The following RAF1 variants were observed in gnomAD, a reference collection of about 807,000 sequenced individuals.
RAF1 encodes RAF proto-oncogene serine/threonine-protein kinase.
In RAF1, 27 loss-of-function variants were observed where a neutral mutation model predicts 81.1. The ratio of observed to expected loss-of-function variants is 0.33; its 90% CI spans 0.25 to 0.46. The LOEUF (loss-of-function observed/expected upper bound fraction) is 0.46. Ranked by LOEUF, RAF1 falls within the 20% of genes least tolerant of loss-of-function variation. RAF1 has a pLI of 1.00. For synonymous variants in RAF1, 298 were observed against 294.0 expected (o/e 1.01, Z -0.14); for missense variants, 598 against 826.0 (o/e 0.72, Z 3.38).
intron 3 of RAF1, 41 bp downstream of exon 3, chr3:12,611,909 C>A (rs1471649705): frequency 7.1e-7 from 1 of 1,406,450 alleles, no homozygotes. Context: ...CTAGAAGATC[C>A]TTACTAGTCT....
chr3:12,639,292 T>C (rs1474119950), intron 1 of RAF1, among the ~76,000 whole-genome samples: 5 of 152,252 alleles, frequency 3.3e-5, no homozygotes, highest in Non-Finnish European at 5.9e-5. Flanking sequence ...ACTGGAAGCA[T>C]TCCCTTTGAA....
Position 12,609,052 on chromosome 3 carries a change from T to C in RAF1, c.424-129A>G, listed in dbSNP as rs116215412. On this transcript the variant is annotated intron_variant, in intron 4 of 17. Transcript: ENST00000442415. ...CTTCCAGCATGTACAGAATTCATAA[T>C]CACAAATTAGAGTATATCTCTGACT... The C allele has an allele frequency of 0.016, 18,898 of 1,180,694 alleles. 212 individuals are homozygous for C. Among genetic ancestry groups the C allele is most frequent in the Non-Finnish European group, 0.02 (16,266 of 808,916 alleles). The allele number at this position is 1,180,694 out of a possible 1,614,324, so 73.1% of individuals were successfully genotyped here.
At chr3:12,640,619 C>T (rs1255603739) in intron 1 of RAF1, among the ~76,000 whole-genome samples, 6 of 152,082 alleles carry the variant, frequency 3.9e-5, no homozygotes, top group Non-Finnish European at 5.9e-5. Context: ...TGAAAAAATG[C>T]TCATCACTGG....
intron 1 of RAF1, among the ~76,000 whole-genome samples, chr3:12,625,850 TA>T: frequency 6.6e-6 from 1 of 152,264 alleles, no homozygotes; most frequent in South Asian, 2.1e-4. Context: ...TCATTTTCCA[TA>T]ATTTAAGAAT....
At chr3:12,609,972 A>G (rs2125423376) in intron 3 of RAF1, among the ~76,000 whole-genome samples, 1 of 152,360 alleles carries the variant, frequency 6.6e-6, no homozygotes, top group South Asian at 2.1e-4. Context: ...AAGGAACCAC[A>G]AATGAAAAAT....
Position 12,663,801 on chromosome 3 carries a change from C to A in RAF1, c.-27+12G>T, listed in dbSNP as rs1318767540. The A allele has an allele frequency of 2.5e-6, 1 of 397,084 alleles. No individual in the cohort carries two copies. The highest frequency in any genetic ancestry group is 4.4e-6 in the Non-Finnish European group (1 of 225,320). 24.6% of individuals were successfully genotyped at this position (397,084 alleles called of 1,614,324 possible). On this transcript the variant is annotated intron_variant, in intron 1 of 17. Coordinates refer to ENST00000442415, the MANE Select transcript of RAF1 (RefSeq NM_001354689.3). ...GCTCCCCCGGCATCCACGACCCGGT[C>A]CTGCCACCTACCTGAGGGAGCCAGG...
intron 11 of RAF1, 73 bp downstream of exon 10, chr3:12,599,618 C>G (rs2058793387): frequency 9.7e-6 from 11 of 1,137,438 alleles, no homozygotes; most frequent in Non-Finnish European, 1.1e-5. Flanking sequence ...CTCTCCTCCT[C>G]CTGGCCCCCT....
At chr3:12,645,570 T>TC (rs1467046885) in intron 1 of RAF1, among the ~76,000 whole-genome samples, 1 of 152,238 alleles carries the variant, frequency 6.6e-6, no homozygotes, top group East Asian at 1.9e-4. Flanking sequence ...TGTTTGTTTT[T>TC]CACAGTTGAT....
chr3:12,609,363 A>T, intron 3 of RAF1, 28 bp from the exon 4 acceptor site: 2 of 1,466,798 alleles, frequency 1.4e-6, no homozygotes, highest in Non-Finnish European at 1.9e-6. Flanking sequence ...AAAACATGAA[A>T]TGTTTAAACA....
chr3:12,614,519 C>A (rs184217595), intron 2 of RAF1, among the ~76,000 whole-genome samples: 189 of 152,088 alleles, frequency 1.2e-3, no homozygotes, highest in Middle Eastern at 6.8e-3. Flanking sequence ...GTACCCTTTA[C>A]CACCCCAGTT....
At chr3:12,650,210 G>A (rs2060480595) in intron 1 of RAF1, among the ~76,000 whole-genome samples, 1 of 147,380 alleles carries the variant, frequency 6.8e-6, no homozygotes, top group African/African-American at 2.5e-5. Context: ...TACAGTCCCA[G>A]CTACTCAGGA....
intron 1 of RAF1, among the ~76,000 whole-genome samples, chr3:12,645,575 G>A (rs946285240): frequency 1.4e-4 from 21 of 152,050 alleles, no homozygotes; most frequent in African/African-American, 4.8e-4. Flanking sequence ...GTTTTTCACA[G>A]TTGATCTGTA....
At chr3:12,623,716 C>G (rs904264482) in intron 1 of RAF1, among the ~76,000 whole-genome samples, 3 of 148,108 alleles carry the variant, frequency 2.0e-5, no homozygotes, top group Non-Finnish European at 4.4e-5. Flanking sequence ...ATGGCATGAA[C>G]CTGGGAGGCG....
At position 12,600,338 on chromosome 3, in the gene RAF1, A is replaced by G. The variant is rs935056736; in HGVS notation, c.922+50T>C. On this transcript the variant is annotated intron_variant, in intron 9 of 17. Transcript: ENST00000442415. ...GATAAGCCAACAGAAGATACACCGC[A>G]TAAAGAAAAAAAGCCCATTATTGTT... is the stretch of plus-strand genomic sequence containing the variant. 6 of 1,614,056 alleles carry G rather than the reference A, an allele frequency of 3.7e-6. No homozygotes were observed. The African/African-American group carries it at 8.0e-5, about 22-fold the overall frequency.
intron 1 of RAF1, among the ~76,000 whole-genome samples, chr3:12,650,423 T>C (rs866714459): frequency 2.0e-5 from 3 of 152,152 alleles, no homozygotes; most frequent in African/African-American, 4.8e-5. Context: ...GTATAGGACA[T>C]TGCACAAAAT....
chr3:12,584,371 A>G lies in RAF1; in HGVS notation c.*143T>C. On this transcript the variant is annotated 3_prime_UTR_variant, in exon 18 of 18. Coordinates refer to ENST00000442415, the MANE Select transcript of RAF1 (RefSeq NM_001354689.3). ...ATAGAAAAGAAGGCAACATGAAGTT[A>G]AGGCCCTGTGAGCAGTCTAGAAGGT... The G allele has an allele frequency of 9.8e-7, 1 of 1,024,428 alleles. No homozygotes were observed. Among genetic ancestry groups the G allele is most frequent in the African/African-American group, 1.6e-5 (1 of 62,922 alleles). The allele number at this position is 1,024,428 out of a possible 1,614,324, so 63.5% of individuals were successfully genotyped here. A position where few individuals can be genotyped will look rare whatever the true frequency, so the allele number is the denominator to read the frequency against.
chr3:12,599,573 G>T, intron 11 of RAF1, 118 bp downstream of exon 10: 1 of 766,952 alleles, frequency 1.3e-6, no homozygotes, highest in African/African-American at 1.7e-5. Context: ...AGTATGTAAG[G>T]GAGAGTACTG....
At chr3:12,635,764 G>T (rs772749589) in intron 1 of RAF1, among the ~76,000 whole-genome samples, 1 of 150,150 alleles carries the variant, frequency 6.7e-6, no homozygotes. Flanking sequence ...ACAAGGTCAG[G>T]AGATTGAGAC....
chr3:12,628,395 C>A (rs1283297367), intron 1 of RAF1, among the ~76,000 whole-genome samples: 2 of 152,208 alleles, frequency 1.3e-5, no homozygotes, highest in East Asian at 3.9e-4. Context: ...GGTGTGGTGG[C>A]ATGCACCTGT....
Sources: allele counts gnomAD v4.1 joint callset (sites outside exome capture counted in the v4.1 genomes callset), GRCh38; gene constraint gnomAD v4.1.1; transcripts MANE v1.5; gene names NCBI Gene and HGNC (gene_info 2026-07-23, HGNC 2026-07-21).